TENM2: variants seen among roughly 807,000 people sequenced by gnomAD.
The protein encoded by TENM2 is teneurin transmembrane protein 2.
A neutral mutation model predicts 245.2 loss-of-function variants in TENM2; 52 were observed. That is an observed-to-expected ratio of 0.21 (90% CI 0.17 to 0.27). The LOEUF is 0.27. Among genes scored for constraint, TENM2 ranks in the 10% least tolerant of loss-of-function variants. The probability of loss-of-function intolerance (pLI) is 1.00; values close to 1 mark genes in which losing one functional copy is unlikely to be tolerated. For missense variants in TENM2, 3,046 were observed against 3,666.8 expected, an observed-to-expected ratio of 0.83 and a Z score of 4.37; for synonymous variants, 1,363 against 1,438.9, an observed-to-expected ratio of 0.95 and a Z score of 1.19.
chr5:168,022,388 A>C (rs1193671675), intron 5 of TENM2, among the ~76,000 whole-genome samples: 1 of 152,254 alleles, frequency 6.6e-6, no homozygotes. Context: ...AGGCTTCTTA[A>C]AAACAGTTTT....
At chr5:166,990,899 G>A in the TENM2 span, among the ~76,000 whole-genome samples, 1 of 152,184 alleles carries the variant, frequency 6.6e-6, no homozygotes, top group African/African-American at 2.4e-5. Flanking sequence ...TAGTTGGCAT[G>A]AGGTGTAAAA....
Position 167,837,802 on chromosome 5 carries a change from T to C in TENM2, c.503-38184T>C, listed in dbSNP as rs547545129. Among the ~76,000 whole-genome samples, 828 of 139,924 alleles carry C rather than the reference T, an allele frequency of 5.9e-3. 10 individuals are homozygous for C. The highest frequency in any genetic ancestry group is 0.02 in the African/African-American group (779 of 38,800). The allele number at this position is 139,924 out of a possible 152,430, so 91.8% of individuals were successfully genotyped here. On this transcript the variant is annotated intron_variant, in intron 2 of 28. Coordinates refer to ENST00000518659, the Ensembl canonical transcript of TENM2. ...TTCCCATGCTACCTGAAAAAGGGCT[T>C]GGTTTTTTTTTTTTCTGCCACCTTC...
chr5:168,086,934 C>T (rs1792509081), intron 7 of TENM2, among the ~76,000 whole-genome samples: 1 of 152,186 alleles, frequency 6.6e-6, no homozygotes, highest in Admixed American at 6.5e-5. Context: ...AGCTTAGGAA[C>T]CCTAGAGAGC....
At chr5:167,061,114 A>G in the TENM2 span, among the ~76,000 whole-genome samples, 3 of 151,252 alleles carry the variant, frequency 2.0e-5, no homozygotes, top group Non-Finnish European at 2.9e-5. Flanking sequence ...ACACACACAC[A>G]CACACACATG....
intron 2 of TENM2, among the ~76,000 whole-genome samples, chr5:167,399,304 G>A (rs1467578577): frequency 2.0e-5 from 3 of 152,172 alleles, no homozygotes; most frequent in Non-Finnish European, 2.9e-5. Flanking sequence ...CCAATAATAA[G>A]CCAGGATGAG....
chr5:168,134,268 G>T (rs1754846359), intron 12 of TENM2, among the ~76,000 whole-genome samples: 1 of 152,092 alleles, frequency 6.6e-6, no homozygotes, highest in African/African-American at 2.4e-5. Context: ...TGTAAAATGG[G>T]GGATACCAAA....
intron 6 of TENM2, among the ~76,000 whole-genome samples, chr5:168,058,110 T>G (rs1015381866): frequency 2.6e-5 from 4 of 152,226 alleles, no homozygotes; most frequent in Non-Finnish European, 4.4e-5. Flanking sequence ...GTTGTGCGCC[T>G]GTGCTCCAAA....
intron 10 of TENM2, among the ~76,000 whole-genome samples, chr5:168,120,077 G>C: frequency 6.6e-6 from 1 of 152,154 alleles, no homozygotes; most frequent in African/African-American, 2.4e-5. Context: ...CCCACATAGG[G>C]TTCCCTTGTG....
chr5:168,148,135 T>A (rs142212057), intron 12 of TENM2, among the ~76,000 whole-genome samples: 3 of 152,336 alleles, frequency 2.0e-5, no homozygotes, highest in Non-Finnish European at 4.4e-5. Context: ...GGTTAGCAGC[T>A]GAGTACCAGC....
At chr5:167,273,837 C>A in the TENM2 span, among the ~76,000 whole-genome samples, 1 of 151,980 alleles carries the variant, frequency 6.6e-6, no homozygotes, top group East Asian at 1.9e-4. Flanking sequence ...TTGTAAATGA[C>A]CTTCCAAATA....
intron 16 of TENM2, 30 bp from the exon 19 acceptor site, chr5:168,199,834 G>T (rs1162415391): frequency 6.2e-7 from 1 of 1,605,754 alleles, no homozygotes; most frequent in East Asian, 2.2e-5. Context: ...TGTGTTTTAG[G>T]TGTGTGTCTG....
chr5:167,697,177 A>G (rs1757820714), intron 2 of TENM2, among the ~76,000 whole-genome samples: 1 of 152,182 alleles, frequency 6.6e-6, no homozygotes, highest in Non-Finnish European at 1.5e-5. Context: ...TCTCAAGGGT[A>G]AAACCCCTGT....
rs548734813 is a variant in TENM2, at chr5:168,219,041, G to A, written c.5108+42G>A. ...AGCATCTCTGAAGAGCCCTTCCCTT[G>A]CCCTAGCTGGCATTAGGACTGGGTC... On this transcript the variant is annotated intron_variant, in intron 23 of 28. Coordinates refer to ENST00000518659, the Ensembl canonical transcript of TENM2. The A allele has an allele frequency of 3.2e-6, 5 of 1,573,218 alleles. No homozygotes were observed. The African/African-American group carries it at 4.1e-5, about 13-fold the overall frequency.
chr5:167,292,650 A>G (rs1279706754), intron 1 of TENM2, among the ~76,000 whole-genome samples: 1 of 152,222 alleles, frequency 6.6e-6, no homozygotes, highest in Non-Finnish European at 1.5e-5. Flanking sequence ...AGGGGTTCCT[A>G]AAAGGCAACT....
intron 4 of TENM2, among the ~76,000 whole-genome samples, chr5:167,983,978 A>G (rs559051139): frequency 3.9e-5 from 6 of 152,364 alleles, no homozygotes; most frequent in African/African-American, 1.2e-4. Context: ...AGCCATTAAT[A>G]TCTGCATTTA....
intron 23 of TENM2, among the ~76,000 whole-genome samples, chr5:168,222,144 C>CAGAT (rs971986372): frequency 6.6e-6 from 1 of 152,224 alleles, no homozygotes; most frequent in Non-Finnish European, 1.5e-5. Flanking sequence ...AAGAGTCAGA[C>CAGAT]AGATAGAGAC....
At chr5:167,162,331 A>G in the TENM2 span, among the ~76,000 whole-genome samples, 1 of 152,148 alleles carries the variant, frequency 6.6e-6, no homozygotes, top group Non-Finnish European at 1.5e-5. Context: ...ATTCAAATAT[A>G]TGTTGAAACA....
intron 2 of TENM2, among the ~76,000 whole-genome samples, chr5:167,464,858 A>G (rs1766541449): frequency 6.6e-6 from 1 of 152,210 alleles, no homozygotes; most frequent in African/African-American, 2.4e-5. Flanking sequence ...TTTCTGAAAA[A>G]AAGCACTTCA....
intron 4 of TENM2, among the ~76,000 whole-genome samples, chr5:167,958,833 G>C (rs1460363986): frequency 6.6e-6 from 1 of 151,672 alleles, no homozygotes; most frequent in East Asian, 1.9e-4. Context: ...CTTGTAGCGT[G>C]TCTGCAGAGA....
Sources: allele counts gnomAD v4.1 joint callset (sites outside exome capture counted in the v4.1 genomes callset), GRCh38; gene constraint gnomAD v4.1.1; transcripts MANE v1.5; gene names NCBI Gene and HGNC (gene_info 2026-07-23, HGNC 2026-07-21).